The following RRBP1 variants were observed in gnomAD, a reference collection of about 807,000 sequenced individuals.
RRBP1 encodes ribosome-binding protein 1.
RRBP1 carries 94 observed loss-of-function variants against 165.2 expected under a neutral mutation model. The observed-to-expected ratio is 0.57, with a 90% CI of 0.48 to 0.68. The LOEUF is 0.68. RRBP1 is among the 30% of genes least tolerant of loss of function. The pLI, the probability that RRBP1 is intolerant of heterozygous loss-of-function variation, is 0.00. For missense variants in RRBP1, 1,676 were observed against 1,763.0 expected, an observed-to-expected ratio of 0.95 and a Z score of 0.88; for synonymous variants, 680 against 714.5, an observed-to-expected ratio of 0.95 and a Z score of 0.77.
chr20:17,670,500 A>AC (rs1181699194), intron 2 of RRBP1, among the ~76,000 whole-genome samples: 11 of 150,384 alleles, frequency 7.3e-5, no homozygotes, highest in East Asian at 1.9e-4. Context: ...ACAAATCTTT[A>AC]CCCCCCCAAA....
At chr20:17,617,286 C>T (rs575720073) in intron 20 of RRBP1, among the ~76,000 whole-genome samples, 315 of 152,380 alleles carry the variant, frequency 2.1e-3, no homozygotes, top group African/African-American at 7.2e-3. Context: ...CCCACCCCTA[C>T]GCTCCATCAC....
chr20:17,672,406 C>T (rs927784330), intron 2 of RRBP1, among the ~76,000 whole-genome samples: 14 of 152,216 alleles, frequency 9.2e-5, no homozygotes, highest in African/African-American at 3.4e-4. Flanking sequence ...CTTTGATTAA[C>T]GAATTCTGCC....
intron 5 of RRBP1, chr20:17,641,342 G>A (rs1361992902): frequency 5.9e-6 from 1 of 170,446 alleles, no homozygotes; most frequent in Admixed American, 5.6e-5. Flanking sequence ...TCAGAAAAAG[G>A]GAGAAGAGCA....
chr20:17,623,670 C>T (rs7268554), intron 13 of RRBP1, among the ~76,000 whole-genome samples: 3,543 of 152,198 alleles, frequency 0.023, 128 homozygotes, highest in African/African-American at 0.079. Context: ...GGTGGTTCAC[C>T]CCTGTAATCC....
intron 2 of RRBP1, among the ~76,000 whole-genome samples, chr20:17,663,086 C>T (rs1297386174): frequency 6.6e-6 from 1 of 152,224 alleles, no homozygotes; most frequent in East Asian, 1.9e-4. Flanking sequence ...CTGGGTCACC[C>T]TCACTGAGGC....
In RRBP1 at chr20:17,618,679, G is replaced by A; in HGVS notation, c.3676C>T (p.Leu1226=). The A allele has an allele frequency of 6.2e-7, 1 of 1,613,212 alleles. No homozygotes were observed. Among genetic ancestry groups the A allele is most frequent in the Non-Finnish European group, 8.5e-7 (1 of 1,179,408 alleles). Reference sequence around the variant, plus strand: ...TGAGATTCTAGGAGAAGTTGCCTCAGCTTGGGGAGAAAACAGAGGCGGGTG... The same window carrying A: ...TGAGATTCTAGGAGAAGTTGCCTCAACTTGGGGAGAAAACAGAGGCGGGTG... ...CQNYAKEVAG[L]RQLLLESQSQ... The change falls in exon 20 of 25, where the codon CTG becomes TTG. Residue 1226 remains leucine (L), a splice_region_variant and synonymous_variant. Coordinates refer to ENST00000377813, the MANE Select transcript of RRBP1 (RefSeq NM_001365613.2).
chr20:17,681,178 C>G (rs1467077808), intron 1 of RRBP1, among the ~76,000 whole-genome samples: 17 of 150,026 alleles, frequency 1.1e-4, no homozygotes, highest in Non-Finnish European at 1.5e-5. Flanking sequence ...CTGGCACCGC[C>G]GGCCCATTCA....
chr20:17,653,665 C>T (rs1392586906), intron 3 of RRBP1, among the ~76,000 whole-genome samples: 1 of 152,108 alleles, frequency 6.6e-6, no homozygotes, highest in East Asian at 1.9e-4. Context: ...GAAACCCCAT[C>T]TCTACTAAAA....
intron 5 of RRBP1, among the ~76,000 whole-genome samples, chr20:17,639,964 G>A (rs6075230): frequency 0.017 from 2,619 of 151,364 alleles, 33 homozygotes; most frequent in Non-Finnish European, 0.026. Flanking sequence ...CAGAGAGCAC[G>A]AGCACAGGGA....
chr20:17,621,281 C>A (rs1294264959), intron 16 of RRBP1, among the ~76,000 whole-genome samples, 177 bp downstream of exon 16: 1 of 152,194 alleles, frequency 6.6e-6, no homozygotes, highest in Admixed American at 6.5e-5. Flanking sequence ...AGCTTAGAAA[C>A]AATGACGACC....
chr20:17,635,783 T>C, intron 6 of RRBP1, 119 bp from the exon 7 acceptor site: 1 of 772,656 alleles, frequency 1.3e-6, no homozygotes, highest in Non-Finnish European at 2.2e-6. Flanking sequence ...GCCTCCACCT[T>C]TTCCACGTGG....
chr20:17,615,952 G>C lies in RRBP1; in HGVS notation c.3925C>G (p.Gln1309Glu), dbSNP rs1191651912. The C allele has an allele frequency of 6.2e-7, 1 of 1,610,040 alleles. No homozygotes were observed. The highest frequency in any genetic ancestry group is 8.5e-7 in the Non-Finnish European group (1 of 1,179,952). ...AILEDEQTQRQKLTAEFEEAQ... is the reference protein window; with the variant it reads ...AILEDEQTQREKLTAEFEEAQ... ...TCCTCAAACTCGGCCGTGAGCTTCTGCCGCTGTGTCTGCTCATCCTCCAGG... is the reference window on the plus strand; with the variant it reads ...TCCTCAAACTCGGCCGTGAGCTTCTCCCGCTGTGTCTGCTCATCCTCCAGG... Residue 1309 changes from glutamine to glutamate, a missense_variant, in exon 22 of 25, where the codon CAG becomes GAG. Gln to Glu is a conservative substitution (Grantham distance 29, BLOSUM62 2). Transcript: ENST00000377813.
chr20:17,643,390 CTT>C lies in RRBP1; in HGVS notation c.1913-265_1913-264del, dbSNP rs113680800. 6.8e-6 allele frequency among the ~76,000 whole-genome samples: 1 copy of C among 147,800 alleles called. No individual in the cohort carries two copies. The highest frequency in any genetic ancestry group is 1.5e-5 in the Non-Finnish European group (1 of 66,536). On this transcript the variant is annotated intron_variant, in intron 3 of 24. Transcript: ENST00000377813. The surrounding 1 kb of genome is among the most constrained non-coding windows in gnomAD (Gnocchi z 4.3). ...AGCCTGGGGTGGAAGTAGAGCTCCTCTTTTTTTTTTTCCACCATCAAGATGGC... is the reference window on the plus strand; with the variant it reads ...AGCCTGGGGTGGAAGTAGAGCTCCTCTTTTTTTTTCCACCATCAAGATGGC...
At chr20:17,619,961 A>C (rs1354428480) in intron 18 of RRBP1, 2 of 544,178 alleles carry the variant, frequency 3.7e-6, no homozygotes, top group Non-Finnish European at 6.5e-6. Context: ...ATTTACTTGC[A>C]AAAGCAGGTA....
At chr20:17,642,876 G>C in intron 4 of RRBP1, 103 bp downstream of exon 4, 1 of 1,257,452 alleles carries the variant, frequency 8.0e-7, no homozygotes, top group Non-Finnish European at 1.1e-6. Flanking sequence ...AAGAGAAGTG[G>C]AGGCTGTCCT....
Position 17,619,671 on chromosome 20 carries a change from T to C in RRBP1, c.3637A>G (p.Ser1213Gly), listed in dbSNP as rs1220007575. ...AELEKHMAAA[S>G]AECQNYAKEV... ...TTGGCGTAGTTCTGGCACTCGGCGCTGGCGGCCGCCATGTGCTTTTCCAGC... is the reference window on the plus strand; with the variant it reads ...TTGGCGTAGTTCTGGCACTCGGCGCCGGCGGCCGCCATGTGCTTTTCCAGC... The change falls in exon 19 of 25, where the codon AGC becomes GGC. Residue 1213 changes from serine (S) to glycine (G), a missense_variant. By Grantham distance (56) the Ser-to-Gly change is moderately conservative (BLOSUM62 0). Coordinates refer to ENST00000377813, the MANE Select transcript of RRBP1 (RefSeq NM_001365613.2). 11 of 1,612,744 alleles carry C rather than the reference T, an allele frequency of 6.8e-6. No homozygotes were observed. Among genetic ancestry groups the C allele is most frequent in the Admixed American group, 5.0e-5 (3 of 59,954 alleles).
At chr20:17,614,322 C>T (rs2035749191) in intron 24 of RRBP1, 102 bp from the exon 25 acceptor site, 1 of 1,091,564 alleles carries the variant, frequency 9.2e-7, no homozygotes, top group East Asian at 2.4e-5. Flanking sequence ...GGATTGACCC[C>T]CTCAAGCCAC....
At chr20:17,635,506 G>A (rs761557174) in intron 7 of RRBP1, 40 bp downstream of exon 7, 9 of 1,469,156 alleles carry the variant, frequency 6.1e-6, no homozygotes, top group South Asian at 3.5e-5. Context: ...CTCGCTCCAG[G>A]GCCCTTGGGG....
At chr20:17,636,342 A>G (rs1480902671) in intron 6 of RRBP1, among the ~76,000 whole-genome samples, 1 of 152,248 alleles carries the variant, frequency 6.6e-6, no homozygotes, top group Non-Finnish European at 1.5e-5. Context: ...GTTCTTTAAA[A>G]TGTATTTCAT....
Sources: gnomAD v4.1 joint callset for allele counts (sites outside exome capture counted in the v4.1 genomes callset) on GRCh38, gnomAD v4.1.1 for gene constraint, Gnocchi (gnomAD v3.1) non-coding constraint, MANE v1.5 for transcripts, NCBI Gene and HGNC (gene_info 2026-07-23, HGNC 2026-07-21) for gene names.